Variants in CSMD1 observed in about 807,000 individuals in gnomAD.
CSMD1 encodes the protein CUB and sushi domain-containing protein 1.
In CSMD1, 213 loss-of-function variants were observed where a neutral mutation model predicts 417.5. The ratio of observed to expected loss-of-function variants is 0.51; its 90% CI spans 0.46 to 0.57. The LOEUF is 0.57. Ranked by LOEUF, CSMD1 falls within the 20% of genes least tolerant of loss-of-function variation. CSMD1 has a pLI of 0.00. For synonymous variants in CSMD1, 2,862 were observed against 1,736.8 expected, an observed-to-expected ratio of 1.65 and a Z score of -16.11; for missense variants, 6,923 against 4,529.7, an observed-to-expected ratio of 1.53 and a Z score of -15.17.
At chr8:3,575,163 AT>A in intron 9 of CSMD1, 97 bp from the exon 10 acceptor site, 1 of 1,175,548 alleles carries the variant, frequency 8.5e-7, no homozygotes. Flanking sequence ...CTATTATCTA[AT>A]CACAGTAAAA....
chr8:3,588,756 G>T (rs574178386), intron 8 of CSMD1, among the ~76,000 whole-genome samples: 12 of 150,124 alleles, frequency 8.0e-5, no homozygotes, highest in Non-Finnish European at 1.3e-4. Context: ...AAACCCTTAC[G>T]CACAGTAAAG....
At chr8:4,618,406 G>C (rs1222601085) in intron 2 of CSMD1, among the ~76,000 whole-genome samples, 4 of 152,068 alleles carry the variant, frequency 2.6e-5, no homozygotes, top group East Asian at 1.9e-4. Context: ...TCTGAGATTT[G>C]AACAGAAGAG....
rs372021839 is a variant in CSMD1 at position 3,189,893 on chromosome 8, G to A, written c.5398+19C>T. On this transcript the variant is annotated intron_variant, in intron 34 of 69. Transcript: ENST00000635120. ...CACCACAGAGTTCTGGCGGGCAGCC[G>A]CTTAGGGACACTGCTCACCCACACA... 175 of 1,555,922 alleles carry A rather than the reference G, an allele frequency of 1.1e-4. 2 individuals are homozygous for A. The South Asian group carries it at 1.7e-3, about 15-fold the overall frequency.
At chr8:3,098,647 C>G (rs1815507676) in intron 46 of CSMD1, among the ~76,000 whole-genome samples, 2 of 152,288 alleles carry the variant, frequency 1.3e-5, no homozygotes, top group South Asian at 4.2e-4. Context: ...ATGGTGACCT[C>G]ATCGCTTTGT....
At chr8:4,284,964 C>G (rs1422871694) in intron 3 of CSMD1, among the ~76,000 whole-genome samples, 1 of 152,176 alleles carries the variant, frequency 6.6e-6, no homozygotes, top group Non-Finnish European at 1.5e-5. Context: ...AGTAACCTCA[C>G]CTCACCTCGC....
intron 7 of CSMD1, among the ~76,000 whole-genome samples, chr8:3,649,233 A>G (rs1430835393): frequency 6.6e-6 from 1 of 152,164 alleles, no homozygotes; most frequent in Non-Finnish European, 1.5e-5. Context: ...CCTGCTTTAT[A>G]TATTCTTCTG....
rs1811645147 is a variant in CSMD1 at position 4,994,383 on chromosome 8, G to A, written c.34C>T (p.Leu12=). The A allele has an allele frequency of 1.9e-6, 3 of 1,612,356 alleles. No individual in the cohort carries two copies. The highest frequency in any genetic ancestry group is 2.2e-5 in the East Asian group (1 of 44,848). The stretch of plus-strand genomic sequence containing the variant: ...CACAGCACCAGCAGCCCGAGAAGCA[G>A]GAGCAGCGACTGGAATCTCCTCCAC... ...TAWRRFQSLL[L]LLGLLVLCAR... is the part of the protein sequence containing the mutation. The change falls in exon 1 of 70, where the codon CTG becomes TTG. Residue 12 remains leucine (L), a synonymous_variant. Coordinates refer to ENST00000635120, the MANE Select transcript of CSMD1 (RefSeq NM_033225.6).
intron 8 of CSMD1, among the ~76,000 whole-genome samples, chr8:3,595,253 G>A (rs372836811): frequency 6.6e-6 from 1 of 152,156 alleles, no homozygotes. Context: ...CCACATGCTA[G>A]GGAAACAATG....
At chr8:3,817,438 T>G (rs974242115) in intron 5 of CSMD1, among the ~76,000 whole-genome samples, 1 of 151,602 alleles carries the variant, frequency 6.6e-6, no homozygotes, top group South Asian at 2.1e-4. Context: ...GCGCCAACAT[T>G]CCCAGCTCAT....
At chr8:4,810,339 C>A (rs1391416618) in intron 1 of CSMD1, among the ~76,000 whole-genome samples, 4 of 152,128 alleles carry the variant, frequency 2.6e-5, no homozygotes, top group Non-Finnish European at 4.4e-5. Context: ...TTTGTAAATG[C>A]ACAGCTTGCA....
At chr8:3,493,256 T>C (rs952293377) in intron 11 of CSMD1, among the ~76,000 whole-genome samples, 1 of 135,460 alleles carries the variant, frequency 7.4e-6, no homozygotes, top group African/African-American at 2.8e-5. Context: ...ATCTGACCAC[T>C]GCACTGCAGC....
chr8:3,437,920 T>C (rs1025925112), intron 12 of CSMD1, among the ~76,000 whole-genome samples: 21 of 152,036 alleles, frequency 1.4e-4, no homozygotes, highest in Non-Finnish European at 5.9e-5. Context: ...GCTAATTCTT[T>C]AGTAGAGACA....
intron 1 of CSMD1, among the ~76,000 whole-genome samples, chr8:4,798,059 A>AC (rs1223761023): frequency 1.3e-5 from 2 of 152,206 alleles, no homozygotes; most frequent in African/African-American, 4.8e-5. Flanking sequence ...CATGCGCACA[A>AC]CGTGCAGGTT....
rs141454732 is a variant in CSMD1, at chr8:4,043,964, A to C, written c.416-11865T>G. On this transcript the variant is annotated intron_variant, in intron 3 of 69. Coordinates refer to ENST00000635120, the MANE Select transcript of CSMD1 (RefSeq NM_033225.6). Reference sequence around the variant, plus strand: ...CATATTGTCCCAATTGTGTTGATATAATTGAAATGCTTTTAAATGCAACTG... The same window carrying C: ...CATATTGTCCCAATTGTGTTGATATCATTGAAATGCTTTTAAATGCAACTG... Among the ~76,000 whole-genome samples the C allele has an allele frequency of 1.4e-3, 215 of 152,320 alleles. 2 individuals carry two copies. The highest frequency in any genetic ancestry group is 4.7e-3 in the African/African-American group (197 of 41,578).
intron 23 of CSMD1, among the ~76,000 whole-genome samples, chr8:3,310,049 G>A (rs969277160): frequency 6.6e-6 from 1 of 152,186 alleles, no homozygotes; most frequent in African/African-American, 2.4e-5. Flanking sequence ...TTCAAGAACA[G>A]AAGAGTGTAT....
intron 10 of CSMD1, among the ~76,000 whole-genome samples, chr8:3,499,676 G>C (rs1317796334): frequency 2.0e-5 from 3 of 151,986 alleles, no homozygotes; most frequent in African/African-American, 7.2e-5. Context: ...GACTCTGCTT[G>C]ACGACTTGTG....
intron 3 of CSMD1, among the ~76,000 whole-genome samples, chr8:4,102,809 G>A (rs1167499189): frequency 6.6e-6 from 1 of 152,170 alleles, no homozygotes; most frequent in African/African-American, 2.4e-5. Flanking sequence ...CAGCAGTTGT[G>A]TGCAGCCCGC....
intron 2 of CSMD1, among the ~76,000 whole-genome samples, chr8:4,593,633 G>A (rs992231850): frequency 1.2e-4 from 18 of 152,098 alleles, no homozygotes; most frequent in South Asian, 6.2e-4. Flanking sequence ...TTTGTGATCC[G>A]GAGTCTTAAA....
At chr8:3,654,805 G>C (rs574995279) in intron 7 of CSMD1, among the ~76,000 whole-genome samples, 38 of 152,200 alleles carry the variant, frequency 2.5e-4, no homozygotes, top group Non-Finnish European at 1.2e-4. Context: ...GCTGCCTCAG[G>C]GCTACCATGG....
Sources: gnomAD v4.1 joint callset for allele counts (sites outside exome capture counted in the v4.1 genomes callset) on GRCh38, gnomAD v4.1.1 for gene constraint, MANE v1.5 for transcripts, NCBI Gene and HGNC (gene_info 2026-07-23, HGNC 2026-07-21) for gene names.